The following AGBL4 variants were observed in gnomAD, a reference collection of about 807,000 sequenced individuals.
AGBL4 encodes cytosolic carboxypeptidase 6.
Under a neutral mutation model 66.4 loss-of-function variants are expected in AGBL4, and 58 were observed. That is an observed-to-expected ratio of 0.87 (90% CI 0.71 to 1.09). The LOEUF is 1.09. AGBL4 is among the 50% of genes least tolerant of loss of function. AGBL4 has a pLI of 0.00. For missense variants in AGBL4, 579 were observed against 631.0 expected (o/e 0.92, Z 0.88); for synonymous variants, 234 against 222.9 (o/e 1.05, Z -0.44).
chr1:49,609,031 C>A (rs1645108127), intron 3 of AGBL4, among the ~76,000 whole-genome samples: 1 of 152,128 alleles, frequency 6.6e-6, no homozygotes, highest in African/African-American at 2.4e-5. Context: ...GGATTTGAAC[C>A]CAGACCTGGC....
intron 3 of AGBL4, among the ~76,000 whole-genome samples, chr1:49,379,432 T>C (rs1247185264): frequency 6.6e-6 from 1 of 152,182 alleles, no homozygotes; most frequent in Non-Finnish European, 1.5e-5. Context: ...TGTCTTGGGA[T>C]AACACTGCTG....
chr1:49,761,934 T>A (rs748622608), intron 2 of AGBL4, among the ~76,000 whole-genome samples: 2 of 152,346 alleles, frequency 1.3e-5, no homozygotes, highest in Non-Finnish European at 2.9e-5. Context: ...CTAAATAGTA[T>A]TCTATTGTGT....
At chr1:48,971,653 A>G (rs967905147) in intron 5 of AGBL4, among the ~76,000 whole-genome samples, 9 of 152,170 alleles carry the variant, frequency 5.9e-5, no homozygotes, top group Admixed American at 2.0e-4. Context: ...GTGGCTGCCT[A>G]TGGAGGGGCA....
chr1:49,669,676 G>T (rs1463790463), intron 3 of AGBL4, among the ~76,000 whole-genome samples: 1 of 152,122 alleles, frequency 6.6e-6, no homozygotes, highest in Non-Finnish European at 1.5e-5. Flanking sequence ...AACAGTGATT[G>T]ACCAGTTATC....
chr1:49,130,119 G>A (rs1418979999), intron 4 of AGBL4, among the ~76,000 whole-genome samples: 3 of 152,164 alleles, frequency 2.0e-5, no homozygotes, highest in Non-Finnish European at 4.4e-5. Flanking sequence ...CTTCTTTTGA[G>A]AAGTGTCTGT....
intron 5 of AGBL4, among the ~76,000 whole-genome samples, chr1:48,956,617 C>T (rs1311152173): frequency 6.6e-6 from 1 of 152,102 alleles, no homozygotes; most frequent in Non-Finnish European, 1.5e-5. Context: ...TGTAATCATT[C>T]CTAGGAAAGT....
intron 2 of AGBL4, among the ~76,000 whole-genome samples, chr1:49,712,773 C>T (rs1460438940): frequency 6.6e-6 from 1 of 151,894 alleles, no homozygotes; most frequent in Non-Finnish European, 1.5e-5. Context: ...TGGATTGAAT[C>T]TCAGCTCTAC....
chr1:49,395,470 A>C (rs1013176858), intron 3 of AGBL4, among the ~76,000 whole-genome samples: 1 of 151,794 alleles, frequency 6.6e-6, no homozygotes, highest in Non-Finnish European at 1.5e-5. Context: ...GGAAAAAATG[A>C]GCAGATAAAA....
intron 6 of AGBL4, among the ~76,000 whole-genome samples, chr1:48,838,492 G>A (rs1054028616): frequency 6.6e-6 from 1 of 152,062 alleles, no homozygotes; most frequent in African/African-American, 2.4e-5. Context: ...ATATGCAGGA[G>A]AATAAAACTA....
At chr1:49,744,293 C>CCTCT (rs149425253) in intron 2 of AGBL4, among the ~76,000 whole-genome samples, 1 of 149,648 alleles carries the variant, frequency 6.7e-6, no homozygotes, top group African/African-American at 2.4e-5. Flanking sequence ...TCATCTCCAC[C>CCTCT]CTCTCTCTCT....
intron 1 of AGBL4, among the ~76,000 whole-genome samples, chr1:50,001,348 T>C (rs1272360163): frequency 1.3e-5 from 2 of 151,168 alleles, no homozygotes; most frequent in Non-Finnish European, 2.9e-5. Flanking sequence ...TTTATGAAAG[T>C]AGAAGGAAAA....
intron 1 of AGBL4, among the ~76,000 whole-genome samples, chr1:49,949,188 T>A (rs1181594489): frequency 6.6e-6 from 1 of 151,396 alleles, no homozygotes; most frequent in East Asian, 1.9e-4. Context: ...TACAAAAAAA[T>A]CATCTCTCAT....
At chr1:49,431,203 C>T (rs183446254) in intron 3 of AGBL4, among the ~76,000 whole-genome samples, 19 of 152,098 alleles carry the variant, frequency 1.2e-4, no homozygotes, top group African/African-American at 3.9e-4. Context: ...GAAGACACTG[C>T]CAAATAGTTT....
At chr1:49,761,131 G>GTT (rs559439979) in intron 2 of AGBL4, among the ~76,000 whole-genome samples, 3 of 136,124 alleles carry the variant, frequency 2.2e-5, no homozygotes, top group Admixed American at 7.4e-5. Flanking sequence ...CATGCATCCC[G>GTT]TTTTTTTTTT....
At chr1:48,953,844 C>G (rs977175889) in intron 5 of AGBL4, among the ~76,000 whole-genome samples, 1 of 152,156 alleles carries the variant, frequency 6.6e-6, no homozygotes, top group South Asian at 2.1e-4. Flanking sequence ...TGGCTCAGAG[C>G]AGGAACAACG....
chr1:49,476,497 G>C (rs1054437821), intron 3 of AGBL4, among the ~76,000 whole-genome samples: 1 of 151,972 alleles, frequency 6.6e-6, no homozygotes, highest in Non-Finnish European at 1.5e-5. Flanking sequence ...AATGCTGTCA[G>C]CGAGATGTTG....
At chr1:49,767,368 C>T (rs1480234682) in intron 2 of AGBL4, among the ~76,000 whole-genome samples, 1 of 151,380 alleles carries the variant, frequency 6.6e-6, no homozygotes, top group Non-Finnish European at 1.5e-5. Context: ...TTAGGGCGAA[C>T]AATGAAATTA....
At chr1:48,633,591 C>G (rs1645623956) in intron 9 of AGBL4, among the ~76,000 whole-genome samples, 1 of 152,234 alleles carries the variant, frequency 6.6e-6, no homozygotes, top group Admixed American at 6.5e-5. Flanking sequence ...AGCTCACACA[C>G]ACATACTCCA....
intron 3 of AGBL4, among the ~76,000 whole-genome samples, chr1:49,604,068 C>T (rs763648096): frequency 5.3e-5 from 8 of 151,680 alleles, no homozygotes; most frequent in Non-Finnish European, 1.0e-4. Flanking sequence ...GATATAGTGA[C>T]TTCTTTTCCT....
Sources: gnomAD v4.1 joint callset for allele counts (sites outside exome capture counted in the v4.1 genomes callset) on GRCh38, gnomAD v4.1.1 for gene constraint, MANE v1.5 for transcripts, NCBI Gene and HGNC (gene_info 2026-07-23, HGNC 2026-07-21) for gene names.